COMMD10: variants seen among roughly 807,000 people sequenced by gnomAD.
The protein encoded by COMMD10 is COMM domain containing 10, also known as COMM domain-containing protein 10.
COMMD10 carries 33 observed loss-of-function variants against 28.9 expected under a neutral mutation model. The ratio of observed to expected loss-of-function variants is 1.14; its 90% confidence interval spans 0.87 to 1.53. The LOEUF (loss-of-function observed/expected upper bound fraction) is 1.53. Among genes scored for constraint, COMMD10 ranks in the 40% most tolerant of loss-of-function variants. The pLI is 0.00. For synonymous variants in COMMD10, 110 were observed against 81.7 expected, an observed-to-expected ratio of 1.35 and a Z score of -1.87; for missense variants, 310 against 233.4, an observed-to-expected ratio of 1.33 and a Z score of -2.14.
At chr5:116,090,107 G>C (rs568867995) in intron 2 of COMMD10, among the ~76,000 whole-genome samples, 2 of 147,270 alleles carry the variant, frequency 1.4e-5, no homozygotes, top group East Asian at 4.0e-4. Context: ...TATTTGTCCA[G>C]ACTGGTTCCT....
chr5:116,147,412 A>G (rs1752386045), intron 5 of COMMD10, among the ~76,000 whole-genome samples: 5 of 151,910 alleles, frequency 3.3e-5, no homozygotes, highest in Admixed American at 3.3e-4. Flanking sequence ...TTACAAACTC[A>G]TTTTAACTTG....
At chr5:116,192,496 T>C (rs935182643) in intron 5 of COMMD10, among the ~76,000 whole-genome samples, 2 of 152,022 alleles carry the variant, frequency 1.3e-5, no homozygotes, top group Non-Finnish European at 2.9e-5. Context: ...TCAGGAAACT[T>C]TGGACAAACT....
At chr5:116,192,384 G>C (rs59447169) in intron 5 of COMMD10, among the ~76,000 whole-genome samples, 2 of 151,802 alleles carry the variant, frequency 1.3e-5, no homozygotes, top group Admixed American at 1.3e-4. Flanking sequence ...AGGCACCAGA[G>C]AAAGGTGAAG....
chr5:116,085,773 G>A (rs1750072443), intron 1 of COMMD10, among the ~76,000 whole-genome samples: 1 of 152,170 alleles, frequency 6.6e-6, no homozygotes, highest in South Asian at 2.1e-4. Context: ...GGTAGCGTGT[G>A]GATACAGAAA....
Position 116,268,513 on chromosome 5 carries a change from C to G in COMMD10, c.511-23004C>G, listed in dbSNP as rs568843356. On this transcript the variant is annotated intron_variant, in intron 5 of 6. Coordinates refer to ENST00000274458, the MANE Select transcript of COMMD10 (RefSeq NM_016144.4). The stretch of plus-strand genomic sequence containing the variant: ...TTTACACTATTGGTGAGACTGTAAA[C>G]TAGTTCAACCATTGTGGAAGACAGT... Among the ~76,000 whole-genome samples the G allele has an allele frequency of 2.0e-5, 3 of 152,012 alleles. No individual in the cohort carries two copies. In the South Asian group the frequency reaches 6.2e-4, roughly 31 times the overall value.
chr5:116,123,768 A>G (rs180965574), intron 4 of COMMD10, among the ~76,000 whole-genome samples: 1 of 152,210 alleles, frequency 6.6e-6, no homozygotes, highest in East Asian at 1.9e-4. Flanking sequence ...GTCTATTCAG[A>G]GATTCAACTT....
intron 5 of COMMD10, among the ~76,000 whole-genome samples, chr5:116,190,987 T>TAAC (rs1748351808): frequency 6.6e-6 from 1 of 152,190 alleles, no homozygotes; most frequent in African/African-American, 2.4e-5. Flanking sequence ...CTTTTCTACA[T>TAAC]TTTACACCCT....
At chr5:116,215,675 G>C (rs1270087427) in intron 5 of COMMD10, among the ~76,000 whole-genome samples, 1 of 132,190 alleles carries the variant, frequency 7.6e-6, no homozygotes, top group Non-Finnish European at 1.6e-5. Context: ...CGACAGAGTG[G>C]GAGTCCAGCT....
chr5:116,193,949 G>A (rs193264461), intron 5 of COMMD10, among the ~76,000 whole-genome samples: 283 of 152,062 alleles, frequency 1.9e-3, no homozygotes, highest in African/African-American at 4.7e-3. Flanking sequence ...TAAGAAAACT[G>A]AAATGATATC....
intron 5 of COMMD10, among the ~76,000 whole-genome samples, chr5:116,248,206 A>G (rs776839893): frequency 6.6e-6 from 1 of 151,850 alleles, no homozygotes; most frequent in Non-Finnish European, 1.5e-5. Context: ...AATATTTATT[A>G]AACAGTCATC....
rs1401001816 is a variant in COMMD10, at chr5:116,293,248, A to G, written c.*759A>G. On this transcript the variant is annotated 3_prime_UTR_variant, in exon 7 of 7. Coordinates refer to ENST00000274458, the MANE Select transcript of COMMD10 (RefSeq NM_016144.4). ...TACCTTTTATATTCTCTTTCCATAAATACGTTGATTTCTGTCAATAAAATT... is the reference window on the plus strand; with the variant it reads ...TACCTTTTATATTCTCTTTCCATAAGTACGTTGATTTCTGTCAATAAAATT... 1 of 361,096 alleles carries G rather than the reference A, an allele frequency of 2.8e-6. No homozygotes were observed. Among genetic ancestry groups the G allele is most frequent in the Non-Finnish European group, 4.9e-6 (1 of 202,852 alleles). The allele number at this position is 361,096 out of a possible 1,614,324, so 22.4% of individuals were successfully genotyped here.
At chr5:116,282,831 C>T (rs953146273) in intron 5 of COMMD10, among the ~76,000 whole-genome samples, 3 of 151,868 alleles carry the variant, frequency 2.0e-5, no homozygotes, top group African/African-American at 7.3e-5. Context: ...AGCTCTGTCT[C>T]CAAACAAAGT....
At chr5:116,205,521 C>T (rs1010720837) in intron 5 of COMMD10, among the ~76,000 whole-genome samples, 7 of 152,156 alleles carry the variant, frequency 4.6e-5, no homozygotes, top group Admixed American at 3.3e-4. Flanking sequence ...AAAACTACCT[C>T]ATATACATAT....
intron 5 of COMMD10, among the ~76,000 whole-genome samples, chr5:116,218,572 A>G (rs558072827): frequency 1.3e-5 from 2 of 152,214 alleles, no homozygotes; most frequent in South Asian, 2.1e-4. Context: ...CCAACTTGAT[A>G]AAACCAAGAG....
chr5:116,278,358 A>G (rs908491292), intron 5 of COMMD10, among the ~76,000 whole-genome samples: 6 of 151,814 alleles, frequency 4.0e-5, no homozygotes, highest in African/African-American at 1.5e-4. Context: ...TCATAATGGC[A>G]TATCAGCACA....
At chr5:116,107,246 C>A (rs143652272) in intron 4 of COMMD10, among the ~76,000 whole-genome samples, 14 of 152,082 alleles carry the variant, frequency 9.2e-5, no homozygotes, top group Non-Finnish European at 1.3e-4. Flanking sequence ...TGGGGAAGTT[C>A]TCCTGGATAA....
intron 5 of COMMD10, among the ~76,000 whole-genome samples, chr5:116,159,175 C>T (rs143686267): frequency 2.7e-4 from 41 of 152,266 alleles, no homozygotes; most frequent in Admixed American, 8.5e-4. Flanking sequence ...CCTTATAACT[C>T]AAAGTGAAAC....
At chr5:116,185,429 G>A (rs967215587) in intron 5 of COMMD10, among the ~76,000 whole-genome samples, 2 of 151,976 alleles carry the variant, frequency 1.3e-5, no homozygotes, top group Admixed American at 1.3e-4. Flanking sequence ...AGGGGTCTGT[G>A]TATTACAAAA....
intron 5 of COMMD10, among the ~76,000 whole-genome samples, chr5:116,235,185 T>G (rs1479150111): frequency 6.6e-6 from 1 of 152,212 alleles, no homozygotes; most frequent in African/African-American, 2.4e-5. Context: ...GAGTGTGGGC[T>G]GCTAATAAGA....
Sources: gnomAD v4.1 joint callset for allele counts (sites outside exome capture counted in the v4.1 genomes callset) on GRCh38, gnomAD v4.1.1 for gene constraint, MANE v1.5 for transcripts, NCBI Gene and HGNC (gene_info 2026-07-23, HGNC 2026-07-21) for gene names.